Variants in SNX3 observed in about 807,000 individuals in gnomAD.
The protein encoded by SNX3 is sorting nexin-3.
In SNX3, 5 loss-of-function variants were observed where a neutral mutation model predicts 17.7. That is an observed-to-expected ratio of 0.28 (90% confidence interval 0.15 to 0.59). The LOEUF is 0.59. Among genes scored for constraint, SNX3 ranks in the 20% least tolerant of loss-of-function variants. The probability of loss-of-function intolerance (pLI) is 0.88; values close to 1 mark genes in which losing one functional copy is unlikely to be tolerated. For synonymous variants in SNX3, 91 were observed against 76.5 expected (o/e 1.19, Z -0.99); for missense variants, 132 against 206.8 (o/e 0.64, Z 2.22).
intron 1 of SNX3, among the ~76,000 whole-genome samples, chr6:108,253,746 T>G (rs1304074569): frequency 6.6e-6 from 1 of 152,202 alleles, no homozygotes; most frequent in Non-Finnish European, 1.5e-5. Context: ...CTCTACTGTC[T>G]ATCTATCTCA....
Position 108,260,802 on chromosome 6 carries a change from C to G in SNX3, c.120G>C (p.Gly40=). The change falls in exon 1 of 4, where the codon GGG becomes GGC. Residue 40 remains glycine (G), a synonymous_variant. Coordinates refer to ENST00000230085, the MANE Select transcript of SNX3 (RefSeq NM_003795.6). The part of the protein sequence containing the change: ...EIDVSNPQTV[G]VGRGRFTTYE... ...AAGTGGTGAAGCGGCCCCGGCCGACCCCCACCGTTTGCGGGTTGCTCACAT... is the reference window on the plus strand; with the variant it reads ...AAGTGGTGAAGCGGCCCCGGCCGACGCCCACCGTTTGCGGGTTGCTCACAT... 6.2e-7 allele frequency: 1 copy of G among 1,613,904 alleles called. No individual in the cohort carries two copies. The highest frequency in any genetic ancestry group is 2.2e-5 in the East Asian group (1 of 44,814).
At chr6:108,214,715 G>A (rs572805778) in intron 2 of SNX3, 93 bp from the exon 3 acceptor site, 10 of 1,321,142 alleles carry the variant, frequency 7.6e-6, no homozygotes, top group Admixed American at 7.5e-5. Flanking sequence ...TCCTCACTAT[G>A]ACAGCCATCG....
intron 1 of SNX3, among the ~76,000 whole-genome samples, chr6:108,253,517 C>A (rs1317875976): frequency 6.6e-6 from 1 of 151,752 alleles, no homozygotes; most frequent in Non-Finnish European, 1.5e-5. Flanking sequence ...TGTGTCTCCC[C>A]TTCCTCCCAA....
rs563119177 is a variant in SNX3, at chr6:108,253,908, G to A, written c.162+6852C>T. Among the ~76,000 whole-genome samples the A allele has an allele frequency of 2.2e-4, 34 of 152,128 alleles. 1 individual carries two copies. The South Asian group carries it at 6.4e-3, about 29-fold the overall frequency. On this transcript the variant is annotated intron_variant, in intron 1 of 3. Transcript: ENST00000230085. ...TGGGAGGCCGAGGTGGGTGGATCACGAGGTCAGGAGATGGAGACCATCCTG... is the reference window on the plus strand; with the variant it reads ...TGGGAGGCCGAGGTGGGTGGATCACAAGGTCAGGAGATGGAGACCATCCTG...
At chr6:108,229,259 CAAAAAA>C (rs778617695) in intron 1 of SNX3, among the ~76,000 whole-genome samples, 1 of 68,766 alleles carries the variant, frequency 1.5e-5, no homozygotes, top group Non-Finnish European at 3.3e-5. Flanking sequence ...GACTCCACCT[CAAAAAA>C]AAAAAAAAAA....
chr6:108,215,723 T>C (rs1774547192), intron 2 of SNX3, among the ~76,000 whole-genome samples: 1 of 152,032 alleles, frequency 6.6e-6, no homozygotes, highest in Non-Finnish European at 1.5e-5. Context: ...GGCGGGAGGA[T>C]TGCTTGAGGC....
intron 2 of SNX3, among the ~76,000 whole-genome samples, chr6:108,215,761 T>C (rs557297174): frequency 9.9e-5 from 15 of 151,968 alleles, no homozygotes; most frequent in South Asian, 2.1e-4. Flanking sequence ...CCTGGGCACA[T>C]GTCTACAAAA....
intron 1 of SNX3, among the ~76,000 whole-genome samples, chr6:108,239,628 G>T (rs188240060): frequency 6.6e-6 from 1 of 152,054 alleles, no homozygotes; most frequent in Non-Finnish European, 1.5e-5. Context: ...TTTTATGGCC[G>T]AAGACATTCA....
chr6:108,217,628 T>A (rs1490529452), intron 2 of SNX3, among the ~76,000 whole-genome samples: 1 of 151,816 alleles, frequency 6.6e-6, no homozygotes, highest in South Asian at 2.1e-4. Flanking sequence ...TGGTGGTGCA[T>A]GCTTGTAACC....
intron 1 of SNX3, among the ~76,000 whole-genome samples, chr6:108,247,459 T>C (rs556611251): frequency 8.2e-4 from 124 of 151,990 alleles, no homozygotes; most frequent in African/African-American, 2.8e-3. Flanking sequence ...CCTCAACCAC[T>C]TGGGCTCAAG....
At chr6:108,227,349 T>C (rs1377424988) in intron 1 of SNX3, among the ~76,000 whole-genome samples, 3 of 152,364 alleles carry the variant, frequency 2.0e-5, no homozygotes, top group African/African-American at 4.8e-5. Context: ...AGAATTTTCA[T>C]ACTTCTGGGT....
At chr6:108,237,679 C>T (rs1282954722) in intron 1 of SNX3, among the ~76,000 whole-genome samples, 4 of 151,780 alleles carry the variant, frequency 2.6e-5, no homozygotes, top group Non-Finnish European at 4.4e-5. Context: ...AATCCAGCTA[C>T]TCAGGAGGCT....
At chr6:108,255,503 C>T (rs1196707393) in intron 1 of SNX3, among the ~76,000 whole-genome samples, 2 of 152,076 alleles carry the variant, frequency 1.3e-5, no homozygotes, top group Non-Finnish European at 2.9e-5. Context: ...CAGGCACACG[C>T]CACCATGCCT....
At chr6:108,247,023 C>T (rs1218246036) in intron 1 of SNX3, among the ~76,000 whole-genome samples, 1 of 150,004 alleles carries the variant, frequency 6.7e-6, no homozygotes, top group Non-Finnish European at 1.5e-5. Context: ...TTGTAATCCC[C>T]ACGTGTAAAC....
At chr6:108,251,235 A>G (rs1231065409) in intron 1 of SNX3, among the ~76,000 whole-genome samples, 1 of 152,202 alleles carries the variant, frequency 6.6e-6, no homozygotes, top group Non-Finnish European at 1.5e-5. Flanking sequence ...CTTCCAAACT[A>G]ATGAAAGTAC....
intron 1 of SNX3, chr6:108,252,180 C>T (rs918304192): frequency 5.3e-5 from 8 of 152,238 alleles, no homozygotes; most frequent in African/African-American, 1.9e-4. Context: ...TTCCAGTTTC[C>T]TGTGCTGGGT....
At chr6:108,239,004 G>C (rs988866116) in intron 1 of SNX3, among the ~76,000 whole-genome samples, 2 of 151,468 alleles carry the variant, frequency 1.3e-5, no homozygotes, top group African/African-American at 4.9e-5. Context: ...AGGTTCAAGC[G>C]ATTTTCCTAT....
Position 108,216,814 on chromosome 6 carries a change from C to A in SNX3, c.259-2192G>T, listed in dbSNP as rs116965427. 3.1e-3 allele frequency among the ~76,000 whole-genome samples: 475 copies of A among 152,130 alleles called. 5 individuals carry two copies. Among genetic ancestry groups the A allele is most frequent in the East Asian group, 0.023 (117 of 5,180 alleles). On this transcript the variant is annotated intron_variant, in intron 2 of 3. Coordinates refer to ENST00000230085, the MANE Select transcript of SNX3 (RefSeq NM_003795.6). ...AAAAAACAAAATAAAAACAAAAAAACCAAATGTCCAAATAAACTTTATAAT... is the reference window on the plus strand; with the variant it reads ...AAAAAACAAAATAAAAACAAAAAAAACAAATGTCCAAATAAACTTTATAAT...
intron 1 of SNX3, among the ~76,000 whole-genome samples, chr6:108,224,200 C>G (rs1774907173): frequency 6.6e-6 from 1 of 152,182 alleles, no homozygotes; most frequent in African/African-American, 2.4e-5. Context: ...AACTCCTAGG[C>G]TCCAGCAATC....
Sources: gnomAD v4.1 joint callset for allele counts (sites outside exome capture counted in the v4.1 genomes callset) on GRCh38, gnomAD v4.1.1 for gene constraint, MANE v1.5 for transcripts, NCBI Gene and HGNC (gene_info 2026-07-23, HGNC 2026-07-21) for gene names.